Variants in URGCP observed in about 807,000 individuals in gnomAD.
URGCP encodes upregulator of cell proliferation.
In URGCP, 13 loss-of-function variants were observed where a neutral mutation model predicts 24.6. The ratio of observed to expected loss-of-function variants is 0.53; its 90% CI spans 0.34 to 0.84. URGCP has a LOEUF of 0.84. URGCP is among the 40% of genes least tolerant of loss of function. URGCP has a pLI of 0.01. For missense variants in URGCP, 899 were observed against 1,194.3 expected, an observed-to-expected ratio of 0.75 and a Z score of 3.64; for synonymous variants, 444 against 487.2, an observed-to-expected ratio of 0.91 and a Z score of 1.17.
chr7:43,889,103 T>C (rs1456005196), intron 1 of URGCP: 1 of 152,190 alleles, frequency 6.6e-6, no homozygotes, highest in Non-Finnish European at 1.5e-5. Flanking sequence ...TGAGTCCACA[T>C]GGATAATAAA....
upstream of URGCP, among the ~76,000 whole-genome samples, chr7:43,907,743 A>T (rs2095905718): frequency 6.6e-6 from 1 of 152,222 alleles, no homozygotes; most frequent in Admixed American, 6.5e-5. Context: ...TGTGAAGATT[A>T]AATGAATTAA....
chr7:43,886,872 T>G (rs2095862984), intron 3 of URGCP, among the ~76,000 whole-genome samples: 1 of 152,134 alleles, frequency 6.6e-6, no homozygotes, highest in Admixed American at 6.5e-5. Context: ...AAGGTGAATT[T>G]ACAAAGGGTG....
chr7:43,909,284 TAC>T (rs1230069330), upstream of URGCP, among the ~76,000 whole-genome samples: 3 of 152,164 alleles, frequency 2.0e-5, no homozygotes, highest in Admixed American at 6.6e-5. Flanking sequence ...CACACATATA[TAC>T]AGACACACAA....
chr7:43,926,163 A>G (rs928079926), exon 1 of URGCP: 1 of 161,970 alleles, frequency 6.2e-6, no homozygotes, highest in African/African-American at 2.4e-5. Context: ...CAGGAGTTAT[A>G]TGACAGCCTG....
At chr7:43,912,489 A>G (rs181765967) in intron 1 of URGCP, among the ~76,000 whole-genome samples, 255 of 152,260 alleles carry the variant, frequency 1.7e-3, no homozygotes, top group African/African-American at 5.9e-3. Flanking sequence ...ACAGAGCAAG[A>G]CTCCAAAATC....
chr7:43,878,065 A>G lies in URGCP; in HGVS notation c.1398T>C (p.Cys466=). The change falls in exon 6 of 6, where the codon TGT becomes TGC. Residue 466 remains cysteine, a synonymous_variant. Coordinates refer to ENST00000453200, the MANE Select transcript of URGCP (RefSeq NM_001077663.3). The surrounding 1 kb of genome is among the most constrained non-coding windows in gnomAD (Gnocchi z 5.6). ...RKLGLKVDED[C]EECQKAKDRM... ...GGTCTTTCGCTTTCTGACACTCCTC[A>G]CAGTCCTCGTCGACCTTTAGGCCCA... is the stretch of plus-strand genomic sequence containing the variant. The G allele has an allele frequency of 6.2e-7, 1 of 1,614,030 alleles. No homozygotes were observed. Among genetic ancestry groups the G allele is most frequent in the Non-Finnish European group, 8.5e-7 (1 of 1,180,006 alleles).
Position 43,876,622 on chromosome 7 carries a change from T to A in URGCP, c.*45A>T, listed in dbSNP as rs1368612498. 9 of 1,584,610 alleles carry A rather than the reference T, an allele frequency of 5.7e-6. No homozygotes were observed. The highest frequency in any genetic ancestry group is 4.0e-5 in the African/African-American group (3 of 74,456). On this transcript the variant is annotated 3_prime_UTR_variant, in exon 6 of 6. Coordinates refer to ENST00000453200, the MANE Select transcript of URGCP (RefSeq NM_001077663.3). ...ACACGGGTGCCCCATCAGACAGGGCTGCCCACAGCAGCCTCCTACACCTGA... is the reference window on the plus strand; with the variant it reads ...ACACGGGTGCCCCATCAGACAGGGCAGCCCACAGCAGCCTCCTACACCTGA...
Position 43,878,205 on chromosome 7 carries a change from T to G in URGCP, c.1258A>C (p.Ser420Arg). ...ACGAAGCTGTCGCTGTCAGTGCTGC[T>G]GACCTTTACCAGGACATGTGAGTGG... ...IDHSHVLVKVSSTDSDSFVKR... is the reference protein window; with the variant it reads ...IDHSHVLVKVRSTDSDSFVKR... Residue 420 changes from serine to arginine, a missense_variant, in exon 6 of 6, where the codon AGC (serine) becomes CGC (arginine). Physicochemically the swap from Ser to Arg is moderately radical, Grantham distance 110. Coordinates refer to ENST00000453200, the MANE Select transcript of URGCP (RefSeq NM_001077663.3). This position sits in a 1 kb window ranked among gnomAD's most constrained non-coding sequence, Gnocchi z 5.6. 6.2e-7 allele frequency: 1 copy of G among 1,614,268 alleles called. No homozygotes were observed. The highest frequency in any genetic ancestry group is 8.5e-7 in the Non-Finnish European group (1 of 1,180,050).
At chr7:43,911,586 A>G (rs548428363), upstream of URGCP, among the ~76,000 whole-genome samples, 1 of 152,260 alleles carries the variant, frequency 6.6e-6, no homozygotes, top group Admixed American at 6.5e-5. Flanking sequence ...AATCCCAGCT[A>G]CTTAGGAGGC....
In URGCP at chr7:43,879,052, G is replaced by A. The variant is rs749501855; in HGVS notation, c.411C>T (p.Asp137=). ...ADARNTTMVL[D]VLPDARPVEK... is the part of the protein sequence containing the mutation. Reference sequence around the variant, plus strand: ...CCACAGGCCTGGCGTCTGGGAGCACGTCCAGCACCATAGTGGTATTCCTGG... The same window carrying A: ...CCACAGGCCTGGCGTCTGGGAGCACATCCAGCACCATAGTGGTATTCCTGG... The change falls in exon 6 of 6, where the codon GAC becomes GAT. Residue 137 remains aspartate, a synonymous_variant. Transcript: ENST00000453200. 6.8e-6 allele frequency: 11 copies of A among 1,614,060 alleles called. No individual in the cohort carries two copies. Among genetic ancestry groups the A allele is most frequent in the South Asian group, 5.5e-5 (5 of 91,090 alleles).
Position 43,878,181 on chromosome 7 carries a change from C to G in URGCP, c.1282G>C (p.Val428Leu), listed in dbSNP as rs549475424. 7 of 1,614,118 alleles carry G rather than the reference C, an allele frequency of 4.3e-6. No individual in the cohort carries two copies. The highest frequency in any genetic ancestry group is 5.9e-6 in the Non-Finnish European group (7 of 1,180,058). The stretch of plus-strand genomic sequence containing the variant: ...CCAACGATGGCCCGGATCCTCTTCA[C>G]GAAGCTGTCGCTGTCAGTGCTGCTG... ...KVSSTDSDSF[V>L]KRIRAIVGNV... Residue 428 changes from valine (V) to leucine (L), a missense_variant, in exon 6 of 6, where the codon GTG becomes CTG. By Grantham distance (32) the Val-to-Leu change is conservative. Transcript: ENST00000453200. The surrounding 1 kb of genome is among the most constrained non-coding windows in gnomAD (Gnocchi z 5.6).
At chr7:43,882,852 C>T (rs146402933) in intron 3 of URGCP, among the ~76,000 whole-genome samples, 24 of 152,184 alleles carry the variant, frequency 1.6e-4, no homozygotes, top group Non-Finnish European at 2.9e-4. Context: ...ATAGATTAAC[C>T]TTTGATTTTA....
At chr7:43,882,915 A>C (rs2095856105) in intron 3 of URGCP, among the ~76,000 whole-genome samples, 1 of 152,246 alleles carries the variant, frequency 6.6e-6, no homozygotes, top group African/African-American at 2.4e-5. Flanking sequence ...TTAAAAATTC[A>C]GCACCTGTCA....
intron 1 of URGCP, among the ~76,000 whole-genome samples, chr7:43,920,339 C>G (rs1370501484): frequency 6.6e-6 from 1 of 152,182 alleles, no homozygotes; most frequent in East Asian, 1.9e-4. Flanking sequence ...GTGGGCAGAT[C>G]ACCTGAAGTC....
At chr7:43,885,449 AC>A (rs2095860726) in intron 3 of URGCP, among the ~76,000 whole-genome samples, 1 of 152,020 alleles carries the variant, frequency 6.6e-6, no homozygotes, top group South Asian at 2.1e-4. Context: ...TAGGCTTAAA[AC>A]CTTGCTTTAA....
At chr7:43,903,495 CTTTA>C (rs370689538) in intron 1 of URGCP, among the ~76,000 whole-genome samples, 34 of 152,122 alleles carry the variant, frequency 2.2e-4, no homozygotes, top group African/African-American at 7.7e-4. Flanking sequence ...TATACTTGAT[CTTTA>C]TTTATTGTTT....
upstream of URGCP, among the ~76,000 whole-genome samples, chr7:43,909,224 A>G (rs2095907405): frequency 6.6e-6 from 1 of 152,210 alleles, no homozygotes; most frequent in African/African-American, 2.4e-5. Context: ...ACTAATATAC[A>G]TATACTTAAA....
chr7:43,926,662 G>A (rs1348263969), upstream of URGCP: 9 of 1,235,070 alleles, frequency 7.3e-6, no homozygotes, highest in Admixed American at 1.5e-4. Context: ...CGCGAGTCGC[G>A]GATACACCTG....
intron 1 of URGCP, chr7:43,918,934 C>T: frequency 1.4e-6 from 2 of 1,385,470 alleles, no homozygotes; most frequent in Non-Finnish European, 2.1e-6. Flanking sequence ...ATCCTCAACT[C>T]CCCCTGTGCC....
Sources: allele counts gnomAD v4.1 joint callset (sites outside exome capture counted in the v4.1 genomes callset), GRCh38; gene constraint gnomAD v4.1.1; non-coding constraint Gnocchi (gnomAD v3.1); transcripts MANE v1.5; gene names NCBI Gene and HGNC (gene_info 2026-07-23, HGNC 2026-07-21).